SVIL: variants seen among roughly 807,000 people sequenced by gnomAD.
SVIL encodes supervillin.
In SVIL, 101 loss-of-function variants were observed where a neutral mutation model predicts 240.4. That is an observed-to-expected ratio of 0.42 (90% confidence interval 0.36 to 0.50). The LOEUF (loss-of-function observed/expected upper bound fraction) is 0.50, where lower values mean the gene tolerates loss of function less well. Among genes scored for constraint, SVIL ranks in the 20% least tolerant of loss-of-function variants. The probability of loss-of-function intolerance (pLI) is 0.01; values close to 1 mark genes in which losing one functional copy is unlikely to be tolerated. For synonymous variants in SVIL, 999 were observed against 1,100.0 expected (o/e 0.91, Z 1.82); for missense variants, 2,512 against 2,818.7 (o/e 0.89, Z 2.46).
chr10:29,656,163 C>T (rs1385544003), intron 3 of SVIL, among the ~76,000 whole-genome samples: 2 of 151,258 alleles, frequency 1.3e-5, no homozygotes, highest in Non-Finnish European at 2.9e-5. Context: ...GCCACCGTGC[C>T]TGGCCGAGTG....
intron 2 of SVIL, among the ~76,000 whole-genome samples, chr10:29,676,880 A>G (rs748722082): frequency 9.9e-5 from 15 of 151,866 alleles, no homozygotes; most frequent in Non-Finnish European, 1.8e-4. Context: ...GGTCTTGGAA[A>G]CACCTGTGGA....
chr10:29,593,620 C>G (rs1219727169), intron 1 of SVIL, among the ~76,000 whole-genome samples: 1 of 152,208 alleles, frequency 6.6e-6, no homozygotes, highest in Non-Finnish European at 1.5e-5. Context: ...GGGCAATTCA[C>G]CTCTAATTCA....
chr10:29,636,189 T>C (rs939561429), upstream of SVIL, among the ~76,000 whole-genome samples: 1 of 152,118 alleles, frequency 6.6e-6, no homozygotes, highest in Non-Finnish European at 1.5e-5. Context: ...GTCCTGACCC[T>C]GATCTTCTTT....
intron 1 of SVIL, among the ~76,000 whole-genome samples, chr10:29,592,689 G>A (rs1036250532): frequency 6.6e-6 from 1 of 152,196 alleles, no homozygotes; most frequent in Non-Finnish European, 1.5e-5. Context: ...GTTAAAACAT[G>A]CAAGGTGAAC....
chr10:29,642,934 C>T (rs1380743026), intron 3 of SVIL, among the ~76,000 whole-genome samples: 2 of 152,206 alleles, frequency 1.3e-5, no homozygotes, highest in Non-Finnish European at 2.9e-5. Flanking sequence ...GATCCGCCCA[C>T]CTCAGCCTCT....
At chr10:29,561,102 C>T (rs193214922) in intron 3 of SVIL, among the ~76,000 whole-genome samples, 1 of 148,504 alleles carries the variant, frequency 6.7e-6, no homozygotes. Flanking sequence ...ATTACAGATG[C>T]GAGCCACCAT....
intron 7 of SVIL, 101 bp from the exon 8 acceptor site, chr10:29,533,559 T>C: frequency 6.9e-7 from 1 of 1,457,102 alleles, no homozygotes; most frequent in South Asian, 1.4e-5. Context: ...GAAACTGACC[T>C]GAGAGAGAAT....
chr10:29,693,796 G>A (rs565745367), intron 1 of SVIL, among the ~76,000 whole-genome samples: 3 of 152,222 alleles, frequency 2.0e-5, no homozygotes, highest in Non-Finnish European at 2.9e-5. Context: ...AAAATAATAC[G>A]TGTTTGGCCT....
chr10:29,554,822 G>A lies in SVIL; in HGVS notation c.121C>T (p.Arg41Ter). 1.9e-6 allele frequency: 3 copies of A among 1,613,234 alleles called. No homozygotes were observed. Among genetic ancestry groups the A allele is most frequent in the Non-Finnish European group, 2.5e-6 (3 of 1,179,630 alleles). The change falls in exon 5 of 38, where the codon CGA becomes TGA. Residue 41 changes from arginine to a stop codon, truncating the protein, a stop_gained. Transcript: ENST00000355867. LOFTEE classifies it high-confidence loss of function. ...THRLLEEDTP[R>*]YMRASDPASP... is the part of the protein sequence containing the mutation. Reference sequence around the variant, plus strand: ...GCAGGGTCGCTGGCTCTCATGTATCGAGGGGTGTCTTCCTCCAGCAGGCGG... The same window carrying A: ...GCAGGGTCGCTGGCTCTCATGTATCAAGGGGTGTCTTCCTCCAGCAGGCGG...
intron 3 of SVIL, among the ~76,000 whole-genome samples, chr10:29,651,259 G>A (rs528572577): frequency 6.6e-6 from 1 of 152,244 alleles, no homozygotes; most frequent in East Asian, 1.9e-4. Context: ...GGGCATTTCA[G>A]CAGAGCAGGT....
rs777395348 is a variant in SVIL, at chr10:29,554,830, T to C, written c.113A>G (p.Asp38Gly). 2 of 1,613,586 alleles carry C rather than the reference T, an allele frequency of 1.2e-6. No individual in the cohort carries two copies. The highest frequency in any genetic ancestry group is 1.7e-6 in the Non-Finnish European group (2 of 1,179,764). Residue 38 changes from aspartate (D) to glycine (G), a missense_variant, in exon 5 of 38, where the codon GAC (aspartate) becomes GGC (glycine). Asp to Gly is a moderately conservative substitution (Grantham distance 94). This residue lies in a region of SVIL where 1,443 missense variants were observed against 1,486.6 expected (regional missense o/e 0.97). Transcript: ENST00000355867. ...GCTGGCTCTCATGTATCGAGGGGTG[T>C]CTTCCTCCAGCAGGCGGTGAGTCAC... ...GLVTHRLLEEDTPRYMRASDP... is the reference protein window; with the variant it reads ...GLVTHRLLEEGTPRYMRASDP...
intron 6 of SVIL, among the ~76,000 whole-genome samples, chr10:29,537,627 T>G (rs1951835203): frequency 6.6e-6 from 1 of 152,200 alleles, no homozygotes. Flanking sequence ...TGCAAGAATT[T>G]TTCAACACCA....
intron 1 of SVIL, among the ~76,000 whole-genome samples, chr10:29,607,847 G>C (rs1435391476): frequency 6.6e-6 from 1 of 152,214 alleles, no homozygotes; most frequent in Non-Finnish European, 1.5e-5. Flanking sequence ...AAGGAGCTGG[G>C]AACCTGGAGT....
At chr10:29,716,224 T>G (rs1963602740) in intron 1 of SVIL, among the ~76,000 whole-genome samples, 1 of 152,278 alleles carries the variant, frequency 6.6e-6, no homozygotes, top group Admixed American at 6.5e-5. Context: ...GTTATGGTGA[T>G]AACTATGTAA....
intron 32 of SVIL, among the ~76,000 whole-genome samples, chr10:29,469,350 T>G (rs1389460674): frequency 6.6e-6 from 1 of 152,188 alleles, no homozygotes; most frequent in African/African-American, 2.4e-5. Context: ...TAGTGTGTTT[T>G]CAGAGTGGAC....
intron 17 of SVIL, among the ~76,000 whole-genome samples, chr10:29,506,656 TGGA>T (rs1949312339): frequency 7.4e-6 from 1 of 134,908 alleles, no homozygotes; most frequent in Non-Finnish European, 1.6e-5. Context: ...ACAGAGGCCC[TGGA>T]GGGAGGGGAC....
intron 2 of SVIL, among the ~76,000 whole-genome samples, chr10:29,564,411 G>A (rs1399747640): frequency 6.6e-6 from 1 of 152,154 alleles, no homozygotes; most frequent in Non-Finnish European, 1.5e-5. Flanking sequence ...AGAGGGTGCT[G>A]CTGCCTCGAA....
intron 5 of SVIL, among the ~76,000 whole-genome samples, chr10:29,554,490 T>A (rs568128503): frequency 2.0e-5 from 3 of 148,070 alleles, no homozygotes; most frequent in African/African-American, 7.4e-5. Flanking sequence ...CAAAAATGTT[T>A]AAAAAAAAAA....
intron 1 of SVIL, among the ~76,000 whole-genome samples, chr10:29,716,118 T>C (rs1963594522): frequency 6.6e-6 from 1 of 152,234 alleles, no homozygotes; most frequent in South Asian, 2.1e-4. Flanking sequence ...CTGATCTACT[T>C]GGTGTCAATA....
Sources: allele counts gnomAD v4.1 joint callset (sites outside exome capture counted in the v4.1 genomes callset), GRCh38; gene constraint gnomAD v4.1.1; regional missense constraint gnomAD v4.1.1; transcripts MANE v1.5; gene names NCBI Gene and HGNC (gene_info 2026-07-23, HGNC 2026-07-21).